Variants in ERC1 observed in about 807,000 individuals in gnomAD.
ERC1 encodes RAB6 interacting protein 2.
In ERC1, 56 loss-of-function variants were observed where a neutral mutation model predicts 132.0. The observed-to-expected ratio is 0.42, with a 90% CI of 0.34 to 0.53. ERC1 has a LOEUF of 0.53. Ranked by LOEUF, ERC1 falls within the 20% of genes least tolerant of loss-of-function variation. ERC1 has a pLI of 0.03. For missense variants in ERC1, 1,202 were observed against 1,349.9 expected (o/e 0.89, Z 1.72); for synonymous variants, 478 against 476.1 (o/e 1.00, Z -0.05).
At chr12:1,038,270 G>A (rs1303447738) in intron 2 of ERC1, among the ~76,000 whole-genome samples, 1 of 151,894 alleles carries the variant, frequency 6.6e-6, no homozygotes, top group Non-Finnish European at 1.5e-5. Context: ...ATCCTCCCAG[G>A]TCCTTTTGTC....
At chr12:1,373,290 G>A (rs992902020) in intron 16 of ERC1, among the ~76,000 whole-genome samples, 13 of 152,190 alleles carry the variant, frequency 8.5e-5, no homozygotes, top group African/African-American at 2.9e-4. Flanking sequence ...ACTGCTGTGG[G>A]AGTTTATATA....
intron 12 of ERC1, among the ~76,000 whole-genome samples, chr12:1,223,173 G>T (rs2074303820): frequency 6.6e-6 from 1 of 152,170 alleles, no homozygotes; most frequent in Non-Finnish European, 1.5e-5. Context: ...AGTAAAACAG[G>T]TATGTAGACT....
Position 1,492,056 on chromosome 12 carries a change from C to G in ERC1, c.*1826C>G. The G allele has an allele frequency of 4.3e-6, 1 of 233,116 alleles. No individual in the cohort carries two copies. Among genetic ancestry groups the G allele is most frequent in the Non-Finnish European group, 8.5e-6 (1 of 117,918 alleles). 14.4% of individuals were successfully genotyped at this position (233,116 alleles called of 1,614,324 possible). A position where few individuals can be genotyped will look rare whatever the true frequency, so the allele number is the denominator to read the frequency against. On this transcript the variant is annotated 3_prime_UTR_variant, in exon 19 of 19. Coordinates refer to ENST00000360905, the MANE Select transcript of ERC1 (RefSeq NM_178040.4). ...TTCCCACCACCAGCCCTTGACTGTC[C>G]CATTAACTGACATGGTCAGATTTCC... is the stretch of plus-strand genomic sequence containing the variant.
intron 12 of ERC1, among the ~76,000 whole-genome samples, chr12:1,193,576 A>T (rs896358264): frequency 2.6e-5 from 4 of 152,174 alleles, no homozygotes; most frequent in African/African-American, 9.7e-5. Flanking sequence ...TAAGAGATTT[A>T]TTACAGAGAA....
chr12:1,324,108 C>G (rs1250832298), intron 15 of ERC1, among the ~76,000 whole-genome samples: 1 of 151,910 alleles, frequency 6.6e-6, no homozygotes, highest in African/African-American at 2.4e-5. Flanking sequence ...TCAGTCATTT[C>G]CTATTCTGAG....
At chr12:1,057,896 A>T (rs1288572035) in intron 2 of ERC1, among the ~76,000 whole-genome samples, 1 of 152,008 alleles carries the variant, frequency 6.6e-6, no homozygotes, top group Non-Finnish European at 1.5e-5. Flanking sequence ...ACCCGGCCTA[A>T]AATTTTTTTT....
chr12:1,389,486 C>T (rs1040517943), intron 16 of ERC1, among the ~76,000 whole-genome samples: 5 of 152,182 alleles, frequency 3.3e-5, no homozygotes, highest in African/African-American at 7.2e-5. Context: ...GAGCATATGC[C>T]CTCTGTAAGC....
intron 3 of ERC1, among the ~76,000 whole-genome samples, chr12:1,094,526 T>G (rs1429135573): frequency 6.6e-6 from 1 of 151,432 alleles, no homozygotes. Context: ...TTCTCCTGCC[T>G]CAGCCTCCCA....
At chr12:1,217,280 C>G (rs1051091629) in intron 12 of ERC1, among the ~76,000 whole-genome samples, 3 of 152,198 alleles carry the variant, frequency 2.0e-5, no homozygotes, top group African/African-American at 4.8e-5. Flanking sequence ...ACAGTACAGT[C>G]ATAGCATTGT....
At chr12:1,329,096 C>T (rs911019410) in intron 15 of ERC1, among the ~76,000 whole-genome samples, 1 of 145,324 alleles carries the variant, frequency 6.9e-6, no homozygotes, top group Admixed American at 6.9e-5. Context: ...GATTTTGAGA[C>T]CAACCTGGCC....
intron 7 of ERC1, among the ~76,000 whole-genome samples, chr12:1,139,674 A>G (rs1949685583): frequency 6.6e-6 from 1 of 151,876 alleles, no homozygotes; most frequent in Non-Finnish European, 1.5e-5. Flanking sequence ...TGTTTAATTC[A>G]GAAATAAAGT....
rs145277757 is a variant in ERC1, at chr12:1,165,835, C to T, written c.1738-14705C>T. On this transcript the variant is annotated intron_variant, in intron 8 of 18. Transcript: ENST00000360905. ...AGAATTCACAGATCATAAAATTTACCATTTTAAACTATATGATTCAGTGGT... is the reference window on the plus strand; with the variant it reads ...AGAATTCACAGATCATAAAATTTACTATTTTAAACTATATGATTCAGTGGT... Among the ~76,000 whole-genome samples, 66 of 152,136 alleles carry T rather than the reference C, an allele frequency of 4.3e-4. 1 individual carries two copies. In the East Asian group the frequency reaches 0.01, roughly 24 times the overall value.
chr12:1,408,336 A>G (rs188630683), intron 17 of ERC1, 89 bp downstream of exon 17: 5 of 844,098 alleles, frequency 5.9e-6, no homozygotes, highest in Admixed American at 2.5e-5. Flanking sequence ...ATTCTGAGAT[A>G]TAAGTTAGAA....
At chr12:1,129,575 G>T (rs1193684661) in intron 7 of ERC1, among the ~76,000 whole-genome samples, 2 of 152,142 alleles carry the variant, frequency 1.3e-5, no homozygotes, top group African/African-American at 4.8e-5. Context: ...ACGTGTAAAG[G>T]ATTAACAATT....
At chr12:1,085,070 A>G (rs11831805) in intron 3 of ERC1, among the ~76,000 whole-genome samples, 1,282 of 6,454 alleles carry the variant, frequency 0.2, 147 homozygotes, top group Middle Eastern at 0.54. Context: ...TGCCTGGCCC[A>G]TTATTATTAT....
At chr12:1,445,763 A>G (rs1430085678) in intron 18 of ERC1, among the ~76,000 whole-genome samples, 1 of 152,222 alleles carries the variant, frequency 6.6e-6, no homozygotes, top group Non-Finnish European at 1.5e-5. Flanking sequence ...GGAGAAGGCT[A>G]AGGACGATCT....
At chr12:1,418,666 T>TTC (rs2092286989) in intron 17 of ERC1, among the ~76,000 whole-genome samples, 1 of 86,716 alleles carries the variant, frequency 1.2e-5, no homozygotes, top group Non-Finnish European at 2.3e-5. Context: ...TCTCTCTTTC[T>TTC]TTTCTTTCTT....
intron 16 of ERC1, among the ~76,000 whole-genome samples, chr12:1,401,939 AAG>A (rs2091105647): frequency 6.6e-6 from 1 of 152,174 alleles, no homozygotes; most frequent in African/African-American, 2.4e-5. Context: ...GAAAATATCA[AAG>A]AGAGATTAGG....
chr12:1,244,610 C>T, intron 13 of ERC1: 1 of 447,378 alleles, frequency 2.2e-6, no homozygotes, highest in Non-Finnish European at 4.5e-6. Context: ...CAGCCTCCTT[C>T]TACCGGATTC....
Sources: allele counts gnomAD v4.1 joint callset (sites outside exome capture counted in the v4.1 genomes callset), GRCh38; gene constraint gnomAD v4.1.1; transcripts MANE v1.5; gene names NCBI Gene and HGNC (gene_info 2026-07-23, HGNC 2026-07-21).